NDRG4: variants seen among roughly 807,000 people sequenced by gnomAD.
NDRG4 encodes protein NDRG4.
NDRG4 carries 38 observed loss-of-function variants against 55.8 expected under a neutral mutation model. That is an observed-to-expected ratio of 0.68 (90% CI 0.53 to 0.89). The LOEUF (loss-of-function observed/expected upper bound fraction) is 0.89. NDRG4 is among the 40% of genes least tolerant of loss of function. The pLI, the probability that NDRG4 is intolerant of heterozygous loss-of-function variation, is 0.00. For synonymous variants in NDRG4, 190 were observed against 182.7 expected, an observed-to-expected ratio of 1.04 and a Z score of -0.32; for missense variants, 455 against 468.6, an observed-to-expected ratio of 0.97 and a Z score of 0.27.
Position 58,511,799 on chromosome 16 carries a change from C to A in NDRG4, c.*223C>A. ...TCACTCTCCGTGGTAACTTAGCCAACTTGACCCCTCTCATCCCACTCCCGG... is the reference window on the plus strand; with the variant it reads ...TCACTCTCCGTGGTAACTTAGCCAAATTGACCCCTCTCATCCCACTCCCGG... On this transcript the variant is annotated 3_prime_UTR_variant, in exon 15 of 15. Transcript: ENST00000570248. 2 of 627,434 alleles carry A rather than the reference C, an allele frequency of 3.2e-6. No individual in the cohort carries two copies. The highest frequency in any genetic ancestry group is 5.7e-6 in the Non-Finnish European group (2 of 348,218). 38.9% of individuals were successfully genotyped at this position (627,434 alleles called of 1,614,324 possible).
intron 1 of NDRG4, among the ~76,000 whole-genome samples, chr16:58,481,244 A>G (rs765174621): frequency 1.1e-4 from 16 of 152,208 alleles, no homozygotes; most frequent in Non-Finnish European, 1.9e-4. Flanking sequence ...CCTGGAACAT[A>G]GCATTCATTA....
At chr16:58,493,325 G>T (rs963233202) in intron 2 of NDRG4, among the ~76,000 whole-genome samples, 35 of 152,220 alleles carry the variant, frequency 2.3e-4, no homozygotes, top group African/African-American at 8.4e-4. Flanking sequence ...CTGGAGTGCA[G>T]TAGTGCAGTC....
chr16:58,473,777 C>T (rs2033201837), intron 1 of NDRG4, among the ~76,000 whole-genome samples: 1 of 152,156 alleles, frequency 6.6e-6, no homozygotes, highest in African/African-American at 2.4e-5. Context: ...CCCATTTCCA[C>T]CCTAACCCCC....
rs553131490 is a variant in NDRG4 at position 58,487,083 on chromosome 16, G to T, written c.-23-673G>T. 7.9e-5 allele frequency among the ~76,000 whole-genome samples: 12 copies of T among 152,162 alleles called. No individual in the cohort carries two copies. The East Asian group carries it at 2.3e-3, about 29-fold the overall frequency. On this transcript the variant is annotated intron_variant, in intron 1 of 15. Transcript: ENST00000258187. ...TCAGACACCAGAGGCCCTCGGCAGG[G>T]GACTTCTGTCTGCGTCTGACCCTGT... is the stretch of plus-strand genomic sequence containing the variant.
chr16:58,508,090 C>A, intron 10 of NDRG4, 91 bp downstream of exon 10: 1 of 1,237,496 alleles, frequency 8.1e-7, no homozygotes, highest in Non-Finnish European at 1.1e-6. Context: ...CTTGATCCAG[C>A]CCAGGGGAGC....
At chr16:58,499,284 G>A (rs2036769938), upstream of NDRG4, 1 of 152,304 alleles carries the variant, frequency 6.6e-6, no homozygotes, top group South Asian at 2.1e-4. Flanking sequence ...GGGCCGGGTG[G>A]GTCTACAGGA....
intron 2 of NDRG4, among the ~76,000 whole-genome samples, chr16:58,493,329 T>C (rs1472346356): frequency 6.6e-6 from 1 of 152,216 alleles, no homozygotes; most frequent in Non-Finnish European, 1.5e-5. Flanking sequence ...AGTGCAGTAG[T>C]GCAGTCTCAG....
intron 1 of NDRG4, chr16:58,465,031 G>A: frequency 2.4e-6 from 3 of 1,255,088 alleles, no homozygotes; most frequent in Non-Finnish European, 3.1e-6. Context: ...CATCCAGGGG[G>A]CAGTGGCTGG....
intron 5 of NDRG4, among the ~76,000 whole-genome samples, chr16:58,505,348 C>CA (rs2037772436): frequency 2.7e-5 from 3 of 109,850 alleles, no homozygotes; most frequent in Non-Finnish European, 5.4e-5. Flanking sequence ...GACTCTGTCT[C>CA]AAAAAAATAA....
intron 8 of NDRG4, chr16:58,507,269 TG>T: frequency 1.9e-6 from 1 of 536,292 alleles, no homozygotes; most frequent in Non-Finnish European, 3.4e-6. Context: ...TTGGGAATGT[TG>T]GGGGTGTTAG....
chr16:58,500,394 A>G, intron 1 of NDRG4, 125 bp downstream of exon 1: 1 of 1,309,326 alleles, frequency 7.6e-7, no homozygotes, highest in Non-Finnish European at 1.0e-6. Context: ...AAATAGCCTC[A>G]CCCTGGGGTC....
At position 58,500,364 on chromosome 16, in the gene NDRG4, C is replaced by T. The variant is rs572800499; in HGVS notation, c.21+95C>T. 2.0e-4 allele frequency: 287 copies of T among 1,460,816 alleles called. 2 individuals are homozygous for T. In the South Asian group the frequency reaches 2.5e-3, roughly 12 times the overall value. 90.5% of individuals were successfully genotyped at this position (1,460,816 alleles called of 1,614,324 possible). ...AGGAAGTGCCCCCCTCAACCCACAT[C>T]TGGTGGCAGCCCGGCCTTCAAATAG... On this transcript the variant is annotated intron_variant, in intron 1 of 14. Coordinates refer to ENST00000570248, the MANE Select transcript of NDRG4 (RefSeq NM_001242835.2).
chr16:58,499,969 C>G, upstream of NDRG4: 1 of 665,610 alleles, frequency 1.5e-6, no homozygotes, highest in Non-Finnish European at 2.4e-6. Context: ...AGTGACAGGG[C>G]TGGGGCAAGG....
chr16:58,480,559 A>C (rs1300192657), intron 1 of NDRG4, among the ~76,000 whole-genome samples: 2 of 152,228 alleles, frequency 1.3e-5, no homozygotes, highest in Non-Finnish European at 2.9e-5. Context: ...CCTATAACTG[A>C]CATTGGAACA....
At chr16:58,509,251 G>C in intron 12 of NDRG4, 50 bp from the exon 13 acceptor site, 1 of 1,613,870 alleles carries the variant, frequency 6.2e-7, no homozygotes, top group African/African-American at 1.3e-5. Flanking sequence ...TACCCTACCT[G>C]CTAATCCTAG....
intron 1 of NDRG4, among the ~76,000 whole-genome samples, chr16:58,481,230 A>G (rs1429229730): frequency 6.6e-6 from 1 of 152,126 alleles, no homozygotes; most frequent in Non-Finnish European, 1.5e-5. Flanking sequence ...ATACATGTAA[A>G]ATGCCTGGAA....
intron 1 of NDRG4, among the ~76,000 whole-genome samples, chr16:58,473,248 C>T (rs1043836757): frequency 6.6e-6 from 1 of 152,124 alleles, no homozygotes; most frequent in African/African-American, 2.4e-5. Context: ...CAGCCTTGAC[C>T]TCCTGGGCTC....
At chr16:58,488,448 C>G (rs1373807967) in intron 2 of NDRG4, among the ~76,000 whole-genome samples, 1 of 152,220 alleles carries the variant, frequency 6.6e-6, no homozygotes, top group African/African-American at 2.4e-5. Flanking sequence ...TTCCCTTTCC[C>G]TCCCTCCCAG....
exon 2 of NDRG4, chr16:58,487,838 C>T (rs2035285050): frequency 6.5e-7 from 1 of 1,540,268 alleles, no homozygotes; most frequent in Non-Finnish European, 8.8e-7. Flanking sequence ...GGGGCCAGGA[C>T]GCCACCGAGC....
Sources: gnomAD v4.1 joint callset for allele counts (sites outside exome capture counted in the v4.1 genomes callset) on GRCh38, gnomAD v4.1.1 for gene constraint, MANE v1.5 for transcripts, NCBI Gene and HGNC (gene_info 2026-07-23, HGNC 2026-07-21) for gene names.